The following COMP variants were observed in gnomAD, a reference collection of about 807,000 sequenced individuals.
The protein encoded by COMP is cartilage oligomeric matrix protein (pseudoachondroplasia, epiphyseal dysplasia 1, multiple).
COMP carries 79 observed loss-of-function variants against 95.8 expected under a neutral mutation model. The ratio of observed to expected loss-of-function variants is 0.82; its 90% confidence interval spans 0.69 to 0.99. COMP has a LOEUF of 0.99. Among genes scored for constraint, COMP ranks in the 50% least tolerant of loss-of-function variants. The pLI, the probability that COMP is intolerant of heterozygous loss-of-function variation, is 0.00. For synonymous variants in COMP, 438 were observed against 433.9 expected (o/e 1.01, Z -0.12); for missense variants, 906 against 1,076.1 (o/e 0.84, Z 2.21).
rs1457861295 is a variant in COMP at position 18,789,985 on chromosome 19, G to T, written c.347C>A (p.Ala116Glu). 5.0e-6 allele frequency: 8 copies of T among 1,594,452 alleles called. No homozygotes were observed. Among genetic ancestry groups the T allele is most frequent in the Non-Finnish European group, 6.8e-6 (8 of 1,177,692 alleles). The change falls in exon 4 of 19, where the codon GCG (alanine) becomes GAG (glutamate). Residue 116 changes from alanine to glutamate, a missense_variant. Ala to Glu is a moderately radical substitution (Grantham distance 107). Transcript: ENST00000222271. The surrounding 1 kb of genome is among the most constrained non-coding windows in gnomAD (Gnocchi z 6.1). Reference sequence around the variant, plus strand: ...GTGCGAGCCGTTGCCCGTGAAGCCCGCGGGGCAGGGGCCGCAGCGCGCGCC... The same window carrying T: ...GTGCGAGCCGTTGCCCGTGAAGCCCTCGGGGCAGGGGCCGCAGCGCGCGCC... ...ESGARCGPCPAGFTGNGSHCT... is the reference protein window; with the variant it reads ...ESGARCGPCPEGFTGNGSHCT...
intron 15 of COMP, 110 bp downstream of exon 15, chr19:18,785,388 G>A: frequency 1.9e-6 from 1 of 517,062 alleles, no homozygotes; most frequent in East Asian, 6.4e-5. Context: ...TCCTGAGCCC[G>A]GGCCAGCCCC....
rs1438215374 is a variant in COMP at position 18,784,909 on chromosome 19, C to G, written c.1901G>C (p.Gly634Ala). Reference sequence around the variant, plus strand: ...CGGCCCTGGCACCTTGAGTTGGATGCCAGGCTCGGCCACAGCACGGAAGGG... The same window carrying G: ...CGGCCCTGGCACCTTGAGTTGGATGGCAGGCTCGGCCACAGCACGGAAGGG... Reference protein sequence around the residue: ...ANPFRAVAEPGIQLKAVKSST... With the variant: ...ANPFRAVAEPAIQLKAVKSST... The change falls in exon 16 of 19, where the codon GGC (glycine) becomes GCC (alanine). Residue 634 changes from glycine to alanine, a missense_variant. Coordinates refer to ENST00000222271, the MANE Select transcript of COMP (RefSeq NM_000095.3). This position sits in a 1 kb window ranked among gnomAD's most constrained non-coding sequence, Gnocchi z 4.9. The G allele has an allele frequency of 6.2e-7, 1 of 1,613,770 alleles. No individual in the cohort carries two copies. The highest frequency in any genetic ancestry group is 1.7e-5 in the Admixed American group (1 of 60,008).
rs780535926 is a variant in COMP, at chr19:18,788,388, G to A, written c.867+22C>T. 2.3e-6 allele frequency: 2 copies of A among 874,080 alleles called. No individual in the cohort carries two copies. The highest frequency in any genetic ancestry group is 3.4e-6 in the Non-Finnish European group (2 of 581,194). The allele number at this position is 874,080 out of a possible 1,614,324, so 54.1% of individuals were successfully genotyped here. On this transcript the variant is annotated intron_variant, in intron 8 of 18. Transcript: ENST00000222271. The surrounding 1 kb of genome is among the most constrained non-coding windows in gnomAD (Gnocchi z 4.7). ...CCCGCCCTCCCTCCTGCCCAAGCCC[G>A]CCCCGCTCCGCCCCCACCCACCTTA... is the stretch of plus-strand genomic sequence containing the variant.
chr19:18,785,617 GC>G, intron 14 of COMP, 55 bp downstream of exon 14: 4 of 1,613,442 alleles, frequency 2.5e-6, no homozygotes, highest in Non-Finnish European at 3.4e-6. Context: ...CTCAGCATAG[GC>G]CTCACTGTGG....
intron 9 of COMP, 105 bp from the exon 10 acceptor site, chr19:18,787,755 T>G: frequency 6.6e-7 from 1 of 1,520,664 alleles, no homozygotes. Context: ...CAAGGAACCT[T>G]TCGCCCCTCC....
In COMP at chr19:18,790,150, T is replaced by G. The variant is rs562821223; in HGVS notation, c.218-36A>C. ...GAGGGGGGAGAAGCGGCGGGGCTGATCGGTGGCTCGCCCGGGGGCAGAGCC... is the reference window on the plus strand; with the variant it reads ...GAGGGGGGAGAAGCGGCGGGGCTGAGCGGTGGCTCGCCCGGGGGCAGAGCC... On this transcript the variant is annotated intron_variant, in intron 3 of 18. Transcript: ENST00000222271. 5.2e-5 allele frequency: 77 copies of G among 1,471,328 alleles called. No individual in the cohort carries two copies. In the African/African-American group the frequency reaches 9.7e-4, roughly 18 times the overall value. The allele number at this position is 1,471,328 out of a possible 1,614,324, so 91.1% of individuals were successfully genotyped here.
In COMP at chr19:18,787,622, T is replaced by G; in HGVS notation, c.1004A>C (p.Asp335Ala). 6 of 1,613,988 alleles carry G rather than the reference T, an allele frequency of 3.7e-6. No individual in the cohort carries two copies. Among genetic ancestry groups the G allele is most frequent in the Non-Finnish European group, 5.1e-6 (6 of 1,180,036 alleles). ...CTTGTCCTCGTCCGTGTTGCGCTGG[T>G]CTGGGTTCCGCACCAGCGGGCAGTT... ...KDNCPLVRNPDQRNTDEDKWG... is the reference protein window; with the variant it reads ...KDNCPLVRNPAQRNTDEDKWG... Residue 335 changes from aspartate to alanine, a missense_variant, in exon 10 of 19, where the codon GAC becomes GCC. Physicochemically the swap from Asp to Ala is moderately radical, Grantham distance 126 (BLOSUM62 -2). Coordinates refer to ENST00000222271, the MANE Select transcript of COMP (RefSeq NM_000095.3).
In COMP at chr19:18,784,408, G is replaced by A. The variant is rs12327738; in HGVS notation, c.1915-45C>T. The A allele has an allele frequency of 0.3, 480,587 of 1,609,758 alleles. 75,014 individuals carry two copies. The highest frequency in any genetic ancestry group is 0.32 in the Non-Finnish European group (378,028 of 1,177,478). ...GTGGTCAGAGACCTCGTGGGCCACCGGAGCCCCCCTAGACACCTTCCTGGA... is the reference window on the plus strand; with the variant it reads ...GTGGTCAGAGACCTCGTGGGCCACCAGAGCCCCCCTAGACACCTTCCTGGA... On this transcript the variant is annotated intron_variant, in intron 16 of 18. Coordinates refer to ENST00000222271, the MANE Select transcript of COMP (RefSeq NM_000095.3). The surrounding 1 kb of genome is among the most constrained non-coding windows in gnomAD (Gnocchi z 4.9).
At position 18,790,916 on chromosome 19, in the gene COMP, CT is replaced by C. The variant is rs1418251079; in HGVS notation, c.98del (p.Gln33ArgfsTer30). ...QSPLGSDLGP[Q>X]MLRELQETNA... ...TGGTTTCCTGCAGTTCCCGAAGCATCTGCGGGCCCAGGTCTGAGCCTGCGGC... is the reference window on the plus strand; with the variant it reads ...TGGTTTCCTGCAGTTCCCGAAGCATCGCGGGCCCAGGTCTGAGCCTGCGGC... On this transcript the variant is annotated frameshift_variant, in exon 2 of 19. Transcript: ENST00000222271. LOFTEE classifies it high-confidence loss of function. 1 of 1,565,592 alleles carries C rather than the reference CT, an allele frequency of 6.4e-7. No individual in the cohort carries two copies. The highest frequency in any genetic ancestry group is 2.4e-5 in the East Asian group (1 of 42,176).
chr19:18,789,143 GC>G lies in COMP; in HGVS notation c.528+16del. 1.9e-6 allele frequency: 3 copies of G among 1,586,990 alleles called. No individual in the cohort carries two copies. The highest frequency in any genetic ancestry group is 1.8e-5 in the Admixed American group (1 of 55,054). ...CCTTCCCTTCTGCTCCAAAAATGGG[GC>G]CCCCACACCTCTCACCTGCTTGTTG... On this transcript the variant is annotated intron_variant, in intron 5 of 18. Transcript: ENST00000222271. This position sits in a 1 kb window ranked among gnomAD's most constrained non-coding sequence, Gnocchi z 6.1.
rs370642118 is a variant in COMP, at chr19:18,782,873, C to T, written c.*42G>A. Reference sequence around the variant, plus strand: ...TGGGTGCAGAGCCCCCATCCAGCCGCGGTGAGGGTGGCTGTCATCCGGCGG... The same window carrying T: ...TGGGTGCAGAGCCCCCATCCAGCCGTGGTGAGGGTGGCTGTCATCCGGCGG... On this transcript the variant is annotated 3_prime_UTR_variant, in exon 19 of 19. Coordinates refer to ENST00000222271, the MANE Select transcript of COMP (RefSeq NM_000095.3). 134 of 1,605,690 alleles carry T rather than the reference C, an allele frequency of 8.3e-5. No individual in the cohort carries two copies. Among genetic ancestry groups the T allele is most frequent in the Middle Eastern group, 2.1e-4 (1 of 4,696 alleles).
Position 18,788,369 on chromosome 19 carries a change from C to T in COMP, c.867+41G>A, listed in dbSNP as rs751081379. 5 of 1,606,230 alleles carry T rather than the reference C, an allele frequency of 3.1e-6. No homozygotes were observed. Among genetic ancestry groups the T allele is most frequent in the Middle Eastern group, 1.7e-4 (1 of 5,952 alleles). ...AGGGGCGCGGTCATGAAGTCCCGCCCTCCCTCCTGCCCAAGCCCGCCCCGC... is the reference window on the plus strand; with the variant it reads ...AGGGGCGCGGTCATGAAGTCCCGCCTTCCCTCCTGCCCAAGCCCGCCCCGC... On this transcript the variant is annotated intron_variant, in intron 8 of 18. Transcript: ENST00000222271. The surrounding 1 kb of genome is among the most constrained non-coding windows in gnomAD (Gnocchi z 4.7).
rs1280645764 is a variant in COMP, at chr19:18,782,901, C to T, written c.*14G>A. The T allele has an allele frequency of 3.1e-6, 5 of 1,610,592 alleles. No homozygotes were observed. The highest frequency in any genetic ancestry group is 2.2e-5 in the East Asian group (1 of 44,884). On this transcript the variant is annotated 3_prime_UTR_variant, in exon 19 of 19. Transcript: ENST00000222271. ...TGAGGGTGGCTGTCATCCGGCGGGT[C>T]CTCACCCTGGTCCCTAGGCTTGCCG...
chr19:18,787,915 T>TTTCTTTCC (rs879447656), intron 9 of COMP, among the ~76,000 whole-genome samples: 14 of 149,466 alleles, frequency 9.4e-5, no homozygotes, highest in Non-Finnish European at 1.6e-4. Flanking sequence ...TCTTTCTTTC[T>TTTCTTTCC]TTTTTTTGAG....
rs776503662 is a variant in COMP, at chr19:18,790,119, G to A, written c.218-5C>T. Reference sequence around the variant, plus strand: ...TGCGTACTGACTGCTGCATCCCTGCGGGGGGGAGGGGGGAGAAGCGGCGGG... The same window carrying A: ...TGCGTACTGACTGCTGCATCCCTGCAGGGGGGAGGGGGGAGAAGCGGCGGG... On this transcript the variant is annotated splice_polypyrimidine_tract_variant and splice_region_variant and intron_variant, in intron 3 of 18. Transcript: ENST00000222271. 1 of 1,519,318 alleles carries A rather than the reference G, an allele frequency of 6.6e-7. No individual in the cohort carries two copies. The allele number at this position is 1,519,318 out of a possible 1,614,324, so 94.1% of individuals were successfully genotyped here.
chr19:18,791,055 G>A (rs2055209929), intron 1 of COMP, 120 bp from the exon 2 acceptor site: 3 of 1,501,576 alleles, frequency 2.0e-6, no homozygotes, highest in African/African-American at 1.4e-5. Context: ...TCTCGGTCCC[G>A]CCACCTGCTT....
intron 2 of COMP, 98 bp from the exon 3 acceptor site, chr19:18,790,711 C>A (rs927164678): frequency 1.9e-6 from 3 of 1,611,594 alleles, no homozygotes; most frequent in Admixed American, 3.3e-5. Context: ...AGCCTCTTTT[C>A]GCCAAGGACT....
intron 9 of COMP, among the ~76,000 whole-genome samples, chr19:18,787,868 T>TTC (rs1555791613): frequency 1.0e-3 from 103 of 102,688 alleles, no homozygotes; most frequent in African/African-American, 2.0e-3. Flanking sequence ...CTTTTTCTCT[T>TTC]TCTTTCTTTC....
chr19:18,788,857 G>C lies in COMP; in HGVS notation c.585C>G (p.Ser195=). The change falls in exon 6 of 19, where the codon TCC becomes TCG. Residue 195 remains serine, a synonymous_variant. Coordinates refer to ENST00000222271, the MANE Select transcript of COMP (RefSeq NM_000095.3). The surrounding 1 kb of genome is among the most constrained non-coding windows in gnomAD (Gnocchi z 4.7). ...GCCTTACCCGGGTGTTGATGCACAC[G>C]GAGTTGGGGACGCAGTTATGTTGCC... The part of the protein sequence containing the change: ...ETGQHNCVPN[S]VCINTRGSFQ... 6.2e-7 allele frequency: 1 copy of C among 1,613,974 alleles called. No homozygotes were observed. The highest frequency in any genetic ancestry group is 8.5e-7 in the Non-Finnish European group (1 of 1,179,992).
Sources: gnomAD v4.1 joint callset for allele counts (sites outside exome capture counted in the v4.1 genomes callset) on GRCh38, gnomAD v4.1.1 for gene constraint, Gnocchi (gnomAD v3.1) non-coding constraint, MANE v1.5 for transcripts, NCBI Gene and HGNC (gene_info 2026-07-23, HGNC 2026-07-21) for gene names.